The following DACH1 variants were observed in gnomAD, a reference collection of about 807,000 sequenced individuals.
DACH1 encodes the protein dachshund homolog 1.
A neutral mutation model predicts 54.2 loss-of-function variants in DACH1; 12 were observed. The observed-to-expected ratio is 0.22, with a 90% CI of 0.14 to 0.36. The LOEUF (loss-of-function observed/expected upper bound fraction) is 0.36, where lower values mean the gene tolerates loss of function less well. DACH1 is among the 10% of genes least tolerant of loss of function. The probability of loss-of-function intolerance (pLI) is 1.00; values close to 1 mark genes in which losing one functional copy is unlikely to be tolerated. For missense variants in DACH1, 805 were observed against 929.8 expected (o/e 0.87, Z 1.75); for synonymous variants, 386 against 366.2 (o/e 1.05, Z -0.62).
chr13:71,618,585 G>A (rs572062835), intron 3 of DACH1, among the ~76,000 whole-genome samples: 2 of 151,898 alleles, frequency 1.3e-5, no homozygotes, highest in Admixed American at 1.3e-4. Flanking sequence ...AAATGAAGTA[G>A]AATGTGCAAG....
At chr13:71,581,938 A>AT (rs1195601722) in intron 3 of DACH1, among the ~76,000 whole-genome samples, 2 of 152,178 alleles carry the variant, frequency 1.3e-5, no homozygotes, top group African/African-American at 4.8e-5. Context: ...TGTTTCGGTA[A>AT]TAGTCATGCA....
intron 3 of DACH1, among the ~76,000 whole-genome samples, chr13:71,625,422 T>C (rs1876574913): frequency 1.3e-5 from 2 of 151,998 alleles, no homozygotes; most frequent in Admixed American, 6.6e-5. Context: ...AGAAAGGAAA[T>C]GACTCCAGCA....
intron 2 of DACH1, among the ~76,000 whole-genome samples, chr13:71,670,080 TTTAA>T (rs1345111555): frequency 6.6e-6 from 1 of 151,816 alleles, no homozygotes; most frequent in East Asian, 1.9e-4. Context: ...CTGTGGCAAC[TTTAA>T]TTAATGTGAA....
chr13:71,542,908 T>G (rs1883228801), intron 6 of DACH1, among the ~76,000 whole-genome samples: 2 of 152,138 alleles, frequency 1.3e-5, no homozygotes, highest in Non-Finnish European at 2.9e-5. Flanking sequence ...GATTAAAAGC[T>G]CAGCTATTTT....
intron 6 of DACH1, among the ~76,000 whole-genome samples, chr13:71,532,308 T>A (rs963533001): frequency 6.6e-6 from 1 of 151,966 alleles, no homozygotes. Context: ...GTTTAAGAAT[T>A]TAGTTGAATT....
intron 1 of DACH1, among the ~76,000 whole-genome samples, chr13:71,855,727 T>C (rs1463475678): frequency 6.6e-6 from 1 of 151,910 alleles, no homozygotes; most frequent in Non-Finnish European, 1.5e-5. Context: ...TGTCAGGTGG[T>C]CCAACTAAAA....
chr13:71,674,464 CA>C, intron 2 of DACH1, among the ~76,000 whole-genome samples: 1 of 151,552 alleles, frequency 6.6e-6, no homozygotes, highest in Non-Finnish European at 1.5e-5. Flanking sequence ...CACACACACA[CA>C]CACACACACA....
At chr13:71,478,294 T>G (rs973444442) in intron 8 of DACH1, among the ~76,000 whole-genome samples, 31 of 152,202 alleles carry the variant, frequency 2.0e-4, no homozygotes, top group Non-Finnish European at 4.0e-4. Context: ...AATGACCAAC[T>G]TCCAGGAATA....
chr13:71,855,108 T>A (rs897062583), intron 1 of DACH1, among the ~76,000 whole-genome samples: 1 of 152,082 alleles, frequency 6.6e-6, no homozygotes, highest in Non-Finnish European at 1.5e-5. Flanking sequence ...TTCCAAGAAT[T>A]GATTTAGTAT....
chr13:71,657,075 G>A (rs75725173), intron 2 of DACH1, among the ~76,000 whole-genome samples: 2,579 of 149,870 alleles, frequency 0.017, 75 homozygotes, highest in African/African-American at 0.059. Flanking sequence ...TCAAACAACT[G>A]TCTCCACTGC....
intron 2 of DACH1, among the ~76,000 whole-genome samples, chr13:71,650,615 T>A (rs530944481): frequency 1.3e-5 from 2 of 152,266 alleles, no homozygotes; most frequent in East Asian, 3.9e-4. Flanking sequence ...TTTCTCTCTC[T>A]GTGAGGTAAT....
At chr13:71,840,666 A>G (rs1262313418) in intron 1 of DACH1, among the ~76,000 whole-genome samples, 1 of 152,220 alleles carries the variant, frequency 6.6e-6, no homozygotes, top group East Asian at 1.9e-4. Flanking sequence ...ATTGCTACAA[A>G]GTTAAGATAA....
intron 10 of DACH1, among the ~76,000 whole-genome samples, chr13:71,472,574 G>A (rs1877180871): frequency 6.6e-6 from 1 of 152,160 alleles, no homozygotes; most frequent in Non-Finnish European, 1.5e-5. Context: ...AATAAATTGA[G>A]TTTACTTTGG....
Position 71,780,396 on chromosome 13 carries a change from A to T in DACH1, c.848+85526T>A, listed in dbSNP as rs186821522. On this transcript the variant is annotated intron_variant, in intron 1 of 10. Transcript: ENST00000613252. ...TTTAAATTTCAGAGGATTCTGGAGC[A>T]CTTTATGTATATTTAGATTAAATAT... 2.6e-5 allele frequency among the ~76,000 whole-genome samples: 4 copies of T among 152,262 alleles called. No individual in the cohort carries two copies. In the East Asian group the frequency reaches 7.7e-4, roughly 29 times the overall value.
intron 1 of DACH1, among the ~76,000 whole-genome samples, chr13:71,728,210 A>G (rs900570202): frequency 6.6e-6 from 1 of 152,098 alleles, no homozygotes; most frequent in Admixed American, 6.5e-5. Flanking sequence ...AAAGCATTTT[A>G]TTCAATTTAA....
At chr13:71,692,492 C>T (rs56678583) in intron 1 of DACH1, among the ~76,000 whole-genome samples, 11,777 of 90,318 alleles carry the variant, frequency 0.13, 1,021 homozygotes, top group East Asian at 0.36. Context: ...CTTTCTTTTT[C>T]TTTCTTTTCT....
At chr13:71,823,269 A>C (rs1221445919) in intron 1 of DACH1, among the ~76,000 whole-genome samples, 1 of 152,118 alleles carries the variant, frequency 6.6e-6, no homozygotes, top group African/African-American at 2.4e-5. Context: ...AATCAGAGTT[A>C]TTCTATTATT....
intron 1 of DACH1, among the ~76,000 whole-genome samples, chr13:71,777,812 A>C (rs1428080101): frequency 6.6e-6 from 1 of 152,016 alleles, no homozygotes; most frequent in Admixed American, 6.6e-5. Flanking sequence ...GTATATATGA[A>C]TTATTAAATC....
chr13:71,665,846 A>T (rs927339642), intron 2 of DACH1, among the ~76,000 whole-genome samples: 3 of 152,118 alleles, frequency 2.0e-5, no homozygotes, highest in Admixed American at 6.5e-5. Flanking sequence ...CACTGAATTC[A>T]ATCCCCAATT....
Sources: allele counts gnomAD v4.1 joint callset (sites outside exome capture counted in the v4.1 genomes callset), GRCh38; gene constraint gnomAD v4.1.1; transcripts MANE v1.5; gene names NCBI Gene and HGNC (gene_info 2026-07-23, HGNC 2026-07-21).